The following CNGB3 variants were observed in gnomAD, a reference collection of about 807,000 sequenced individuals.
CNGB3 encodes the protein cyclic nucleotide-gated channel beta-3.
Under a neutral mutation model 92.8 loss-of-function variants are expected in CNGB3, and 86 were observed. The observed-to-expected ratio is 0.93, with a 90% confidence interval of 0.78 to 1.11. The LOEUF (loss-of-function observed/expected upper bound fraction) is 1.11. Among genes scored for constraint, CNGB3 ranks in the 50% least tolerant of loss-of-function variants. CNGB3 has a pLI of 0.00. For synonymous variants in CNGB3, 333 were observed against 332.7 expected (o/e 1.00, Z -0.01); for missense variants, 1,026 against 956.8 (o/e 1.07, Z -0.95).
chr8:86,659,252 T>C (rs1823582742), intron 6 of CNGB3: 1 of 771,044 alleles, frequency 1.3e-6, no homozygotes, highest in African/African-American at 1.7e-5. Context: ...TATATTGGTC[T>C]TTCTCCATCT....
intron 3 of CNGB3, among the ~76,000 whole-genome samples, chr8:86,700,539 C>G (rs1824535135): frequency 6.6e-6 from 1 of 152,176 alleles, no homozygotes; most frequent in Non-Finnish European, 1.5e-5. Flanking sequence ...AATTCTACTT[C>G]CTTTTCTCCT....
rs1462684564 is a variant in CNGB3, at chr8:86,589,130, G to A, written c.1782-9878C>T. Among the ~76,000 whole-genome samples, 42 of 150,830 alleles carry A rather than the reference G, an allele frequency of 2.8e-4. No homozygotes were observed. The East Asian group carries it at 7.8e-3, about 28-fold the overall frequency. On this transcript the variant is annotated intron_variant, in intron 15 of 17. Transcript: ENST00000320005. ...GATTTTCTAGTTTATTTGCGTAGAG[G>A]TGTTTGTAGTATTCTCTGATGGTAG...
intron 6 of CNGB3, among the ~76,000 whole-genome samples, chr8:86,664,470 G>C (rs1167490122): frequency 6.6e-6 from 1 of 152,170 alleles, no homozygotes; most frequent in East Asian, 1.9e-4. Context: ...GCCTTGGGAG[G>C]AGGATGGCAC....
At chr8:86,649,467 CAG>C (rs1279768266) in intron 7 of CNGB3, among the ~76,000 whole-genome samples, 2 of 151,484 alleles carry the variant, frequency 1.3e-5, no homozygotes, top group Non-Finnish European at 3.0e-5. Context: ...ACCAAAGGAA[CAG>C]AATAGAGAAC....
At chr8:86,633,001 A>G in intron 10 of CNGB3, 108 bp from the exon 11 acceptor site, 1 of 1,040,994 alleles carries the variant, frequency 9.6e-7, no homozygotes, top group Non-Finnish European at 1.4e-6. Context: ...CCTACTAATC[A>G]AGATTTTCTT....
intron 3 of CNGB3, among the ~76,000 whole-genome samples, chr8:86,700,098 C>T (rs1363016884): frequency 7.9e-5 from 12 of 152,012 alleles, no homozygotes; most frequent in South Asian, 2.1e-4. Flanking sequence ...TTCAAAGAAA[C>T]GAGACCTAAG....
intron 3 of CNGB3, among the ~76,000 whole-genome samples, chr8:86,691,664 T>C (rs2131638085): frequency 6.6e-6 from 1 of 152,282 alleles, no homozygotes; most frequent in African/African-American, 2.4e-5. Flanking sequence ...TTTTGTTTAC[T>C]TTTCAAATAA....
chr8:86,703,170 G>T (rs1824586598), intron 3 of CNGB3, among the ~76,000 whole-genome samples: 1 of 151,960 alleles, frequency 6.6e-6, no homozygotes, highest in Non-Finnish European at 1.5e-5. Flanking sequence ...TGCTTTTTCT[G>T]TTAATTAGAT....
At chr8:86,589,657 G>C (rs1821982731) in intron 15 of CNGB3, among the ~76,000 whole-genome samples, 2 of 152,180 alleles carry the variant, frequency 1.3e-5, no homozygotes, top group African/African-American at 2.4e-5. Flanking sequence ...TTTTGAGTGA[G>C]ATTCTTAGTC....
chr8:86,660,023 G>A (rs1184459010), intron 6 of CNGB3: 4 of 343,558 alleles, frequency 1.2e-5, no homozygotes, highest in South Asian at 7.9e-5. Context: ...CTGAGGTGCC[G>A]CCATGCTAGT....
At chr8:86,669,107 T>A (rs1381801191) in intron 4 of CNGB3, among the ~76,000 whole-genome samples, 1 of 151,564 alleles carries the variant, frequency 6.6e-6, no homozygotes, top group African/African-American at 2.4e-5. Flanking sequence ...TGTCTGGAAT[T>A]TGCTTTAAAA....
chr8:86,720,839 T>TATACAC (rs1554618004), intron 3 of CNGB3, among the ~76,000 whole-genome samples: 11 of 129,884 alleles, frequency 8.5e-5, no homozygotes, highest in Non-Finnish European at 1.1e-4. Context: ...TATATATGTA[T>TATACAC]ACACACACAC....
intron 12 of CNGB3, 48 bp downstream of exon 12, chr8:86,628,871 C>T: frequency 6.2e-7 from 1 of 1,600,640 alleles, no homozygotes; most frequent in Non-Finnish European, 8.6e-7. Context: ...GAATTTTCAT[C>T]ATATGACAAG....
In CNGB3 at chr8:86,737,352, C is replaced by T. The variant is rs185814329; in HGVS notation, c.211+2303G>A. ...ATAATATTATCCTCCCAAGTGGACA[C>T]ATATTTCCCTCCAGTTATTTAAGTT... is the stretch of plus-strand genomic sequence containing the variant. On this transcript the variant is annotated intron_variant, in intron 2 of 17. Coordinates refer to ENST00000320005, the MANE Select transcript of CNGB3 (RefSeq NM_019098.5). 1.3e-3 allele frequency among the ~76,000 whole-genome samples: 194 copies of T among 152,232 alleles called. 1 individual carries two copies. The highest frequency in any genetic ancestry group is 4.3e-3 in the African/African-American group (178 of 41,544).
chr8:86,632,377 G>A (rs1051214307), intron 11 of CNGB3, among the ~76,000 whole-genome samples: 1 of 152,000 alleles, frequency 6.6e-6, no homozygotes, highest in Non-Finnish European at 1.5e-5. Flanking sequence ...GCATTTTGTA[G>A]CCTCTGGTTT....
At chr8:86,656,069 T>G (rs938900444) in intron 6 of CNGB3, among the ~76,000 whole-genome samples, 1 of 152,210 alleles carries the variant, frequency 6.6e-6, no homozygotes, top group Non-Finnish European at 1.5e-5. Context: ...CTCATATACA[T>G]GTACTAAATT....
chr8:86,655,999 T>C (rs545850314), intron 6 of CNGB3, among the ~76,000 whole-genome samples: 19 of 152,330 alleles, frequency 1.2e-4, no homozygotes, highest in South Asian at 1.2e-3. Flanking sequence ...ATGTTAAAGA[T>C]TGGTTAGTCA....
intron 7 of CNGB3, among the ~76,000 whole-genome samples, chr8:86,651,858 T>C (rs1049143353): frequency 6.6e-6 from 1 of 152,002 alleles, no homozygotes; most frequent in African/African-American, 2.4e-5. Context: ...TAATAGTGAA[T>C]GATCAGGTAC....
chr8:86,650,383 G>T (rs1585992734), intron 7 of CNGB3, among the ~76,000 whole-genome samples: 1 of 151,350 alleles, frequency 6.6e-6, no homozygotes, highest in African/African-American at 2.4e-5. Context: ...TCCCACTACT[G>T]GGTATCTACC....
Sources: allele counts gnomAD v4.1 joint callset (sites outside exome capture counted in the v4.1 genomes callset), GRCh38; gene constraint gnomAD v4.1.1; transcripts MANE v1.5; gene names NCBI Gene and HGNC (gene_info 2026-07-23, HGNC 2026-07-21).